Variants in CNN2 observed in about 807,000 individuals in gnomAD.
CNN2 encodes calponin 2, also known as calponin-2.
Under a neutral mutation model 31.0 loss-of-function variants are expected in CNN2, and 21 were observed. The ratio of observed to expected loss-of-function variants is 0.68; its 90% CI spans 0.48 to 0.98. The LOEUF (loss-of-function observed/expected upper bound fraction) is 0.98. Among genes scored for constraint, CNN2 ranks in the 50% least tolerant of loss-of-function variants. The pLI is 0.00. For missense variants in CNN2, 399 were observed against 427.3 expected (o/e 0.93, Z 0.58); for synonymous variants, 165 against 179.6 (o/e 0.92, Z 0.65).
rs749931836 is a variant in CNN2, at chr19:1,031,081, A to G, written c.74A>G (p.Lys25Arg). 30 of 1,612,464 alleles carry G rather than the reference A, an allele frequency of 1.9e-5. No individual in the cohort carries two copies. In the South Asian group the frequency reaches 2.1e-4, roughly 11 times the overall value. ...CCTTTGCTCCACCAGCTCCTGTCCA[A>G]ATATGACCCCCAGAAGGAGGCAGAG... Reference protein sequence around the residue: ...SAEVKNRLLSKYDPQKEAELR... With the variant: ...SAEVKNRLLSRYDPQKEAELR... The change falls in exon 2 of 7, where the codon AAA becomes AGA. Residue 25 changes from lysine (K) to arginine (R), a missense_variant. Coordinates refer to ENST00000263097, the MANE Select transcript of CNN2 (RefSeq NM_004368.4).
At chr19:1,031,543 T>A (rs1336853277) in intron 2 of CNN2, among the ~76,000 whole-genome samples, 3 of 99,550 alleles carry the variant, frequency 3.0e-5, no homozygotes, top group Non-Finnish European at 5.5e-5. Flanking sequence ...CCAGCCGGGG[T>A]GACACAGCGA....
intron 1 of CNN2, among the ~76,000 whole-genome samples, chr19:1,027,621 C>A (rs532836862): frequency 4.4e-4 from 67 of 152,260 alleles, no homozygotes; most frequent in African/African-American, 1.4e-3. Context: ...GGGTCCTGGA[C>A]AGGATTCCCA....
At position 1,032,808 on chromosome 19, in the gene CNN2, T is replaced by A. The variant is rs1370442007; in HGVS notation, c.390+112T>A. ...GTTTGTTTATTTTTGAGTCGGAGTC[T>A]CACTCTGTCACTCAGGCTGGAGTGC... On this transcript the variant is annotated intron_variant, in intron 4 of 6. Transcript: ENST00000263097. 19 of 806,252 alleles carry A rather than the reference T, an allele frequency of 2.4e-5. No homozygotes were observed. The African/African-American group carries it at 3.2e-4, about 14-fold the overall frequency. 49.9% of individuals were successfully genotyped at this position (806,252 alleles called of 1,614,324 possible). A position where few individuals can be genotyped will look rare whatever the true frequency, so the allele number is the denominator to read the frequency against.
intron 1 of CNN2, among the ~76,000 whole-genome samples, chr19:1,028,324 T>G (rs942514261): frequency 5.3e-5 from 8 of 151,854 alleles, no homozygotes; most frequent in Non-Finnish European, 1.2e-4. Flanking sequence ...GAAGAGCCGC[T>G]TAGCAGGCTC....
chr19:1,038,019 C>A lies in CNN2; in HGVS notation c.*119C>A. On this transcript the variant is annotated 3_prime_UTR_variant, in exon 7 of 7. Transcript: ENST00000263097. ...TCAGTGCTGCCAGTCAACCAAGGGT[C>A]TGTGAGTGTCAGCGTGGGATCAGGC... The A allele has an allele frequency of 9.6e-7, 1 of 1,036,280 alleles. No individual in the cohort carries two copies. The highest frequency in any genetic ancestry group is 1.4e-6 in the Non-Finnish European group (1 of 726,460). The allele number at this position is 1,036,280 out of a possible 1,614,324, so 64.2% of individuals were successfully genotyped here. A position where few individuals can be genotyped will look rare whatever the true frequency, so the allele number is the denominator to read the frequency against.
At chr19:1,036,631 C>T (rs1292181300) in intron 6 of CNN2, 69 bp downstream of exon 6, 8 of 1,579,422 alleles carry the variant, frequency 5.1e-6, no homozygotes, top group Non-Finnish European at 6.1e-6. Flanking sequence ...CGGCCCCTCC[C>T]TGGGGCCACC....
At chr19:1,036,597 C>G in intron 6 of CNN2, 35 bp downstream of exon 6, 1 of 1,613,370 alleles carries the variant, frequency 6.2e-7, no homozygotes, top group Non-Finnish European at 8.5e-7. Context: ...ACTCCTCTCC[C>G]TGCCCCTCTA....
At chr19:1,030,756 G>A (rs1216098359) in intron 1 of CNN2, among the ~76,000 whole-genome samples, 1 of 152,020 alleles carries the variant, frequency 6.6e-6, no homozygotes, top group Non-Finnish European at 1.5e-5. Context: ...GAGGTGAGAA[G>A]GCAGGGCGGG....
chr19:1,033,104 C>T (rs1288886791), intron 4 of CNN2, among the ~76,000 whole-genome samples: 4 of 152,014 alleles, frequency 2.6e-5, no homozygotes, highest in African/African-American at 7.2e-5. Flanking sequence ...TCTGAGCATC[C>T]GTGAGGTGCC....
intron 1 of CNN2, among the ~76,000 whole-genome samples, chr19:1,028,834 G>A (rs1184634873): frequency 1.3e-5 from 2 of 152,160 alleles, no homozygotes; most frequent in Admixed American, 6.5e-5. Context: ...CTCATTCCTC[G>A]GGATCAAAGT....
Position 1,037,891 on chromosome 19 carries a change from C to T in CNN2, c.921C>T (p.Ala307=), listed in dbSNP as rs750607018. The T allele has an allele frequency of 1.1e-4, 170 of 1,577,930 alleles. No homozygotes were observed. Among genetic ancestry groups the T allele is most frequent in the Non-Finnish European group, 1.4e-4 (160 of 1,157,724 alleles). Residue 307 remains alanine, a synonymous_variant, in exon 7 of 7, where the codon GCC becomes GCT. Transcript: ENST00000263097. ...PEYPPYYQEE[A]GY Reference sequence around the variant, plus strand: ...ATCCCCCTTACTACCAGGAGGAGGCCGGCTACTGAGGCTCCCAGCACGCTC... The same window carrying T: ...ATCCCCCTTACTACCAGGAGGAGGCTGGCTACTGAGGCTCCCAGCACGCTC...
chr19:1,036,144 G>A lies in CNN2; in HGVS notation c.405G>A (p.Gly135=), dbSNP rs1411196966. 1 of 1,611,812 alleles carries A rather than the reference G, an allele frequency of 6.2e-7. No individual in the cohort carries two copies. Among genetic ancestry groups the A allele is most frequent in the East Asian group, 2.2e-5 (1 of 44,826 alleles). The change falls in exon 5 of 7, where the codon GGG becomes GGA. Residue 135 remains glycine (G), a synonymous_variant. Coordinates refer to ENST00000263097, the MANE Select transcript of CNN2 (RefSeq NM_004368.4). ...CCCTCACCCAGGCCAAGACTAAGGG[G>A]CTGCAGAGCGGGGTGGACATTGGCG... ...LALAGKAKTK[G]LQSGVDIGVK...
intron 1 of CNN2, 133 bp from the exon 2 acceptor site, chr19:1,030,938 G>A (rs969555793): frequency 3.5e-6 from 4 of 1,152,278 alleles, no homozygotes; most frequent in East Asian, 5.0e-5. Context: ...TGGGTGTGGT[G>A]AGGGGGGACC....
intron 1 of CNN2, among the ~76,000 whole-genome samples, chr19:1,028,491 C>T (rs1001663681): frequency 6.6e-6 from 1 of 152,034 alleles, no homozygotes. Context: ...CAGAGACCCG[C>T]CCCCCGCCCC....
intron 4 of CNN2, among the ~76,000 whole-genome samples, chr19:1,035,200 CGGTGT>C: frequency 7.2e-6 from 1 of 139,848 alleles, no homozygotes; most frequent in Non-Finnish European, 1.6e-5. Context: ...GGGTGGGACA[CGGTGT>C]CTGGTGTAGA....
chr19:1,035,344 C>T (rs926977715), intron 4 of CNN2, among the ~76,000 whole-genome samples: 2 of 152,042 alleles, frequency 1.3e-5, no homozygotes, highest in South Asian at 2.1e-4. Flanking sequence ...TTAGAGGAAG[C>T]GGGAGCTGGT....
rs765807193 is a variant in CNN2, at chr19:1,036,265, A to G, written c.507+19A>G. 3 of 1,568,422 alleles carry G rather than the reference A, an allele frequency of 1.9e-6. No individual in the cohort carries two copies. In the African/African-American group the frequency reaches 4.1e-5, roughly 21 times the overall value. ...GCTGCAGGTGGGCGACAGCTCCCCC[A>G]GCCCCAGGGACCACGGCATTGGGGG... On this transcript the variant is annotated intron_variant, in intron 5 of 6. Coordinates refer to ENST00000263097, the MANE Select transcript of CNN2 (RefSeq NM_004368.4).
rs766876688 is a variant in CNN2, at chr19:1,036,194, G to A, written c.455G>A (p.Arg152Gln). ...GTCAAGTACTCGGAGAAGCAGGAGC[G>A]GAATTTCGACGATGCCACCATGAAG... is the stretch of plus-strand genomic sequence containing the variant. ...IGVKYSEKQE[R>Q]NFDDATMKAG... The change falls in exon 5 of 7, where the codon CGG (arginine) becomes CAG (glutamine). Residue 152 changes from arginine (R) to glutamine (Q), a missense_variant. Physicochemically the swap from Arg to Gln is conservative, Grantham distance 43. Transcript: ENST00000263097. 7.4e-6 allele frequency: 12 copies of A among 1,611,324 alleles called. No homozygotes were observed. Among genetic ancestry groups the A allele is most frequent in the African/African-American group, 1.3e-5 (1 of 74,846 alleles).
At position 1,031,092 on chromosome 19, in the gene CNN2, C is replaced by A; in HGVS notation, c.85C>A (p.Gln29Lys). The A allele has an allele frequency of 6.2e-7, 1 of 1,613,160 alleles. No individual in the cohort carries two copies. Among genetic ancestry groups the A allele is most frequent in the South Asian group, 1.1e-5 (1 of 91,074 alleles). ...KNRLLSKYDP[Q>K]KEAELRTWIE... The stretch of plus-strand genomic sequence containing the variant: ...CCAGCTCCTGTCCAAATATGACCCC[C>A]AGAAGGAGGCAGAGCTCCGCACCTG... The change falls in exon 2 of 7, where the codon CAG (glutamine) becomes AAG (lysine). Residue 29 changes from glutamine to lysine, a missense_variant. Gln to Lys is a moderately conservative substitution (Grantham distance 53). Transcript: ENST00000263097.
Sources: gnomAD v4.1 joint callset for allele counts (sites outside exome capture counted in the v4.1 genomes callset) on GRCh38, gnomAD v4.1.1 for gene constraint, MANE v1.5 for transcripts, NCBI Gene and HGNC (gene_info 2026-07-23, HGNC 2026-07-21) for gene names.